The following RPN1 variants were observed in gnomAD, a reference collection of about 807,000 sequenced individuals.
RPN1 encodes dolichyl-diphosphooligosaccharide--protein glycosyltransferase subunit 1.
Under a neutral mutation model 55.5 loss-of-function variants are expected in RPN1, and 12 were observed. The observed-to-expected ratio is 0.22, with a 90% CI of 0.14 to 0.35. RPN1 has a LOEUF of 0.35. Ranked by LOEUF, RPN1 falls within the 10% of genes least tolerant of loss-of-function variation. RPN1 has a pLI of 1.00. For missense variants in RPN1, 679 were observed against 761.3 expected (o/e 0.89, Z 1.27); for synonymous variants, 317 against 305.9 (o/e 1.04, Z -0.38).
chr3:128,649,487 T>C (rs372576585), intron 1 of RPN1, among the ~76,000 whole-genome samples: 37 of 152,294 alleles, frequency 2.4e-4, no homozygotes, highest in African/African-American at 7.2e-4. Flanking sequence ...TGAAAGAAAA[T>C]AGGAGTCATT....
chr3:128,638,114 A>G lies in RPN1; in HGVS notation c.327-9T>C. 1 of 1,606,300 alleles carries G rather than the reference A, an allele frequency of 6.2e-7. No individual in the cohort carries two copies. The highest frequency in any genetic ancestry group is 8.5e-7 in the Non-Finnish European group (1 of 1,173,518). ...CTGTGAAGAATCTCCCACTAAAGGAAGAACAAGGCAAGAGAAGTAAGAGAG... is the reference window on the plus strand; with the variant it reads ...CTGTGAAGAATCTCCCACTAAAGGAGGAACAAGGCAAGAGAAGTAAGAGAG... On this transcript the variant is annotated splice_polypyrimidine_tract_variant and intron_variant, in intron 2 of 9. Coordinates refer to ENST00000296255, the MANE Select transcript of RPN1 (RefSeq NM_002950.4).
At position 128,630,152 on chromosome 3, in the gene RPN1, G is replaced by A. The variant is rs926666482; in HGVS notation, c.844-9C>T. The A allele has an allele frequency of 1.9e-6, 3 of 1,602,870 alleles. No individual in the cohort carries two copies. Among genetic ancestry groups the A allele is most frequent in the Admixed American group, 1.7e-5 (1 of 59,638 alleles). On this transcript the variant is annotated splice_polypyrimidine_tract_variant and intron_variant, in intron 4 of 9. Coordinates refer to ENST00000296255, the MANE Select transcript of RPN1 (RefSeq NM_002950.4). The stretch of plus-strand genomic sequence containing the variant: ...GCAGCAGGAAGGATGGTCTGCAAGA[G>A]AGTGGATATGCCCTTCTAAAACTCC...
chr3:128,622,198 C>G lies in RPN1; in HGVS notation c.1607G>C (p.Arg536Thr), dbSNP rs1298867468. ...CAGATCAGAGCCCTCTGTCTTCAGC[C>G]TGGACTGCAGCAGTGCAATCTCACT... ...LTSEIALLQS[R>T]LKTEGSDLCD... Residue 536 changes from arginine (R) to threonine (T), a missense_variant, in exon 9 of 10, where the codon AGG becomes ACG. Arg to Thr is a moderately conservative substitution (Grantham distance 71). Transcript: ENST00000296255. The G allele has an allele frequency of 6.2e-7, 1 of 1,614,234 alleles. No individual in the cohort carries two copies. The highest frequency in any genetic ancestry group is 2.2e-5 in the East Asian group (1 of 44,890).
At position 128,637,888 on chromosome 3, in the gene RPN1, C is replaced by G; in HGVS notation, c.544G>C (p.Val182Leu). 1 of 1,614,144 alleles carries G rather than the reference C, an allele frequency of 6.2e-7. No homozygotes were observed. ...TMRVKLASRN[V>L]ESYTKLGNPT... ...TTCCCCAGCTTGGTGTAGCTCTCCA[C>G]ATTTCGAGAGGCAAGCTTCACACGC... Residue 182 changes from valine to leucine, a missense_variant, in exon 3 of 10, where the codon GTG becomes CTG. Val to Leu is a conservative substitution (Grantham distance 32). Coordinates refer to ENST00000296255, the MANE Select transcript of RPN1 (RefSeq NM_002950.4).
intron 5 of RPN1, among the ~76,000 whole-genome samples, chr3:128,628,326 T>C (rs992633916): frequency 1.3e-5 from 2 of 150,218 alleles, no homozygotes; most frequent in African/African-American, 4.9e-5. Context: ...AGAAAAATGA[T>C]AGAAATCAGG....
chr3:128,647,619 A>T (rs1006221823), intron 1 of RPN1, among the ~76,000 whole-genome samples: 31 of 151,994 alleles, frequency 2.0e-4, no homozygotes, highest in Admixed American at 2.0e-3. Flanking sequence ...TGAGCCCAGA[A>T]ATTCGAGGCT....
chr3:128,646,705 C>T (rs908650894), intron 1 of RPN1, among the ~76,000 whole-genome samples: 4 of 148,624 alleles, frequency 2.7e-5, no homozygotes, highest in East Asian at 2.0e-4. Flanking sequence ...AAAAGTTGGC[C>T]GGGTGCGGTG....
At chr3:128,628,943 A>G (rs1227816818) in intron 5 of RPN1, among the ~76,000 whole-genome samples, 4 of 152,092 alleles carry the variant, frequency 2.6e-5, no homozygotes, top group Non-Finnish European at 5.9e-5. Flanking sequence ...GATCAAGCCA[A>G]GAAAAACAGA....
chr3:128,626,023 A>T lies in RPN1; in HGVS notation c.1137-11T>A. The T allele has an allele frequency of 6.3e-7, 1 of 1,591,138 alleles. No individual in the cohort carries two copies. The highest frequency in any genetic ancestry group is 1.1e-5 in the South Asian group (1 of 87,394). ...TCAATTTCAATGTTCCTGGAAGAAG[A>T]TGGGAATAAAATATAGCCTCCAACC... On this transcript the variant is annotated splice_polypyrimidine_tract_variant and intron_variant, in intron 6 of 9. Coordinates refer to ENST00000296255, the MANE Select transcript of RPN1 (RefSeq NM_002950.4).
intron 8 of RPN1, 125 bp downstream of exon 8, chr3:128,625,409 G>A (rs2069590918): frequency 2.1e-6 from 3 of 1,437,004 alleles, no homozygotes; most frequent in African/African-American, 1.4e-5. Context: ...CGGCAAGGAT[G>A]AGCACAGGCA....
intron 8 of RPN1, among the ~76,000 whole-genome samples, chr3:128,624,465 G>T (rs998381074): frequency 1.1e-4 from 17 of 149,942 alleles, no homozygotes; most frequent in Middle Eastern, 3.5e-3. Context: ...GGGCAACAGA[G>T]CAAGACTCCG....
chr3:128,638,070 A>T lies in RPN1; in HGVS notation c.362T>A (p.Leu121His). Reference protein sequence around the residue: ...RFFTVKLPVALDPGAKISVIV... With the variant: ...RFFTVKLPVAHDPGAKISVIV... ...GACTGAAATCTTGGCCCCAGGATCA[A>T]GAGCAACTGGGAGCTTGACTGTGAA... is the stretch of plus-strand genomic sequence containing the variant. The change falls in exon 3 of 10, where the codon CTT becomes CAT. Residue 121 changes from leucine to histidine, a missense_variant. Leu to His is a moderately conservative substitution (Grantham distance 99, BLOSUM62 -3). This residue lies in a region of RPN1 where 352 missense variants were observed against 352.8 expected (regional missense o/e 1.00). Coordinates refer to ENST00000296255, the MANE Select transcript of RPN1 (RefSeq NM_002950.4). The T allele has an allele frequency of 1.1e-5, 18 of 1,614,070 alleles. No individual in the cohort carries two copies. Among genetic ancestry groups the T allele is most frequent in the Non-Finnish European group, 1.5e-5 (18 of 1,179,898 alleles).
At chr3:128,648,945 G>C (rs1291638489) in intron 1 of RPN1, among the ~76,000 whole-genome samples, 1 of 152,182 alleles carries the variant, frequency 6.6e-6, no homozygotes, top group African/African-American at 2.4e-5. Context: ...ACAGACTACA[G>C]CCTCCTTGCC....
At chr3:128,623,335 G>A (rs62270778) in intron 8 of RPN1, among the ~76,000 whole-genome samples, 2,641 of 152,174 alleles carry the variant, frequency 0.017, 44 homozygotes, top group Admixed American at 0.026. Flanking sequence ...CCAGGAGTTC[G>A]AGACCAGCCT....
intron 3 of RPN1, among the ~76,000 whole-genome samples, chr3:128,633,517 A>G (rs2069655864): frequency 6.6e-6 from 1 of 152,182 alleles, no homozygotes; most frequent in South Asian, 2.1e-4. Flanking sequence ...CCCAACCAGC[A>G]AGAGATTTTA....
chr3:128,631,350 T>C (rs2107715973), intron 4 of RPN1, among the ~76,000 whole-genome samples: 1 of 148,420 alleles, frequency 6.7e-6, no homozygotes, highest in Middle Eastern at 3.7e-3. Flanking sequence ...TGGTGGTGCA[T>C]GCCTGTAATC....
chr3:128,625,313 T>C (rs1355118849), intron 8 of RPN1, among the ~76,000 whole-genome samples: 1 of 152,126 alleles, frequency 6.6e-6, no homozygotes, highest in Non-Finnish European at 1.5e-5. Flanking sequence ...TCCAAGTTAC[T>C]CTGTCTCCAG....
intron 2 of RPN1, among the ~76,000 whole-genome samples, chr3:128,640,762 C>T (rs1033709725): frequency 6.6e-6 from 1 of 152,142 alleles, no homozygotes; most frequent in African/African-American, 2.4e-5. Flanking sequence ...CTCTCAGACC[C>T]ATCCCTTCCT....
chr3:128,650,761 G>C lies in RPN1; in HGVS notation c.40C>G (p.Leu14Val). ...CCCGGCGCCGGGGCCCAAGTCCCAA[G>C]CAACAGGAGCAGAAACAAGCCGGCG... ...PAAGLFLLLLLGTWAPAPGSA... is the reference protein window; with the variant it reads ...PAAGLFLLLLVGTWAPAPGSA... Residue 14 changes from leucine to valine, a missense_variant, in exon 1 of 10, where the codon CTT (leucine) becomes GTT (valine). Coordinates refer to ENST00000296255, the MANE Select transcript of RPN1 (RefSeq NM_002950.4). 1 of 1,548,108 alleles carries C rather than the reference G, an allele frequency of 6.5e-7. No homozygotes were observed. The highest frequency in any genetic ancestry group is 8.7e-7 in the Non-Finnish European group (1 of 1,145,662).
Sources: allele counts gnomAD v4.1 joint callset (sites outside exome capture counted in the v4.1 genomes callset), GRCh38; gene constraint gnomAD v4.1.1; regional missense constraint gnomAD v4.1.1; transcripts MANE v1.5; gene names NCBI Gene and HGNC (gene_info 2026-07-23, HGNC 2026-07-21).